SCNN1A: variants seen among roughly 807,000 people sequenced by gnomAD.
SCNN1A encodes the protein epithelial sodium channel subunit alpha.
A neutral mutation model predicts 68.6 loss-of-function variants in SCNN1A; 65 were observed. The ratio of observed to expected loss-of-function variants is 0.95; its 90% CI spans 0.78 to 1.16. The LOEUF is 1.16. Among genes scored for constraint, SCNN1A ranks in the 50% most tolerant of loss-of-function variants. The pLI, the probability that SCNN1A is intolerant of heterozygous loss-of-function variation, is 0.00. For missense variants in SCNN1A, 880 were observed against 865.9 expected, an observed-to-expected ratio of 1.02 and a Z score of -0.20; for synonymous variants, 357 against 353.3, an observed-to-expected ratio of 1.01 and a Z score of -0.12.
rs374883803 is a variant in SCNN1A at position 6,349,092 on chromosome 12, A to G, written c.1497+72T>C. ...GGTTGTGTCAAACACACTCATACAC[A>G]TAATACCCAGAGAAGGCCACAGCAT... On this transcript the variant is annotated intron_variant, in intron 10 of 12. Transcript: ENST00000228916. 5.0e-6 allele frequency: 8 copies of G among 1,603,298 alleles called. No homozygotes were observed. In the African/African-American group the frequency reaches 8.0e-5, roughly 16 times the overall value.
chr12:6,357,881 C>T (rs1948523993), intron 4 of SCNN1A, among the ~76,000 whole-genome samples: 1 of 152,112 alleles, frequency 6.6e-6, no homozygotes, highest in African/African-American at 2.4e-5. Flanking sequence ...GCCTGTAATC[C>T]CAGCTACTCA....
Position 6,374,285 on chromosome 12 carries a change from C to T in SCNN1A, c.416+83G>A. 2.1e-6 allele frequency: 3 copies of T among 1,459,194 alleles called. No individual in the cohort carries two copies. The highest frequency in any genetic ancestry group is 2.8e-6 in the Non-Finnish European group (3 of 1,064,590). 90.4% of individuals were successfully genotyped at this position (1,459,194 alleles called of 1,614,324 possible). A position where few individuals can be genotyped will look rare whatever the true frequency, so the allele number is the denominator to read the frequency against. ...AGTTCCCACCCTCAGGTCTGAGGCT[C>T]TGCCTGCCCAGTGAGCACCTCAGCA... On this transcript the variant is annotated intron_variant, in intron 2 of 12. Coordinates refer to ENST00000228916, the MANE Select transcript of SCNN1A (RefSeq NM_001038.6). This position sits in a 1 kb window ranked among gnomAD's most constrained non-coding sequence, Gnocchi z 6.2.
Position 6,348,994 on chromosome 12 carries a change from G to T in SCNN1A, c.1509C>A (p.Phe503Leu). The change falls in exon 11 of 13, where the codon TTC (phenylalanine) becomes TTA (leucine). Residue 503 changes from phenylalanine to leucine, a missense_variant. Physicochemically the swap from Phe to Leu is conservative, Grantham distance 22. Coordinates refer to ENST00000228916, the MANE Select transcript of SCNN1A (RefSeq NM_001038.6). ...WPSVTSQEWV[F>L]QMLSRQNNYT... ...AATTGTTCTGTCGCGATAGCATCTG[G>T]AAGACCCATTCCTAGGAAAGAATGG... is the stretch of plus-strand genomic sequence containing the variant. The T allele has an allele frequency of 1.2e-6, 2 of 1,614,058 alleles. No homozygotes were observed. Among genetic ancestry groups the T allele is most frequent in the Non-Finnish European group, 8.5e-7 (1 of 1,180,000 alleles).
At chr12:6,368,848 C>T (rs1948724559) in intron 2 of SCNN1A, among the ~76,000 whole-genome samples, 1 of 152,204 alleles carries the variant, frequency 6.6e-6, no homozygotes, top group South Asian at 2.1e-4. Flanking sequence ...GTGACCCAGC[C>T]TTTCTGACTC....
chr12:6,375,628 T>G (rs1948893232), upstream of SCNN1A: 3 of 1,485,512 alleles, frequency 2.0e-6, no homozygotes, highest in Non-Finnish European at 2.7e-6. Flanking sequence ...TGAGGAGGAG[T>G]CAGAGCCGGG....
At chr12:6,350,694 G>A (rs1018073458) in intron 8 of SCNN1A, among the ~76,000 whole-genome samples, 5 of 151,904 alleles carry the variant, frequency 3.3e-5, no homozygotes, top group African/African-American at 7.3e-5. Flanking sequence ...AAAATTAGTC[G>A]GGTGTGGTGG....
intron 2 of SCNN1A, among the ~76,000 whole-genome samples, chr12:6,373,044 C>A (rs918731399): frequency 6.6e-6 from 1 of 152,156 alleles, no homozygotes; most frequent in Non-Finnish European, 1.5e-5. Flanking sequence ...AAGACACCTT[C>A]GCAGCGTCTG....
chr12:6,367,428 C>T (rs1349901340), intron 2 of SCNN1A, among the ~76,000 whole-genome samples: 1 of 152,136 alleles, frequency 6.6e-6, no homozygotes, highest in Non-Finnish European at 1.5e-5. Context: ...AGAATAGGCT[C>T]ATCAAAACCA....
At chr12:6,349,468 A>G in intron 8 of SCNN1A, 63 bp from the exon 9 acceptor site, 3 of 1,216,980 alleles carry the variant, frequency 2.5e-6, no homozygotes, top group Non-Finnish European at 1.2e-6. Context: ...CCCACACCCA[A>G]GAGGTCTCCC....
rs1213229780 is a variant in SCNN1A at position 6,374,001 on chromosome 12, T to C, written c.416+367A>G. Among the ~76,000 whole-genome samples the C allele has an allele frequency of 6.6e-6, 1 of 152,202 alleles. No individual in the cohort carries two copies. Among genetic ancestry groups the C allele is most frequent in the Admixed American group, 6.5e-5 (1 of 15,284 alleles). ...CTGAGGTGGACGAGGTCTTATACTT[T>C]GCTGGCATCTTGCTCCAGAAAAGGG... On this transcript the variant is annotated intron_variant, in intron 2 of 12. Coordinates refer to ENST00000228916, the MANE Select transcript of SCNN1A (RefSeq NM_001038.6). This position sits in a 1 kb window ranked among gnomAD's most constrained non-coding sequence, Gnocchi z 6.2.
rs944831382 is a variant in SCNN1A, at chr12:6,357,428, G to A, written c.876-1548C>T. Among the ~76,000 whole-genome samples the A allele has an allele frequency of 6.7e-5, 10 of 150,328 alleles. No homozygotes were observed. The East Asian group carries it at 1.0e-3, about 15-fold the overall frequency. On this transcript the variant is annotated intron_variant, in intron 4 of 12. Coordinates refer to ENST00000228916, the MANE Select transcript of SCNN1A (RefSeq NM_001038.6). Reference sequence around the variant, plus strand: ...GTCTCTACCAAAAATACAAAAATTCGCCAGGCGTGGTGGTGGGCACCTATT... The same window carrying A: ...GTCTCTACCAAAAATACAAAAATTCACCAGGCGTGGTGGTGGGCACCTATT...
At chr12:6,364,561 C>A (rs907803770) in intron 2 of SCNN1A, among the ~76,000 whole-genome samples, 1 of 151,972 alleles carries the variant, frequency 6.6e-6, no homozygotes, top group Admixed American at 6.6e-5. Flanking sequence ...CGAGACCACC[C>A]TGGCTAACAC....
chr12:6,354,087 T>C (rs559687147), intron 8 of SCNN1A, among the ~76,000 whole-genome samples: 15 of 151,254 alleles, frequency 9.9e-5, no homozygotes, highest in Non-Finnish European at 1.6e-4. Flanking sequence ...AAAAATTAGC[T>C]GGGCGTGGTG....
At chr12:6,368,717 C>T (rs1458953738) in intron 2 of SCNN1A, among the ~76,000 whole-genome samples, 1 of 152,188 alleles carries the variant, frequency 6.6e-6, no homozygotes, top group Non-Finnish European at 1.5e-5. Flanking sequence ...GTCCCTGCTA[C>T]CTCTGGCTAT....
At chr12:6,358,710 A>AG (rs1293980310) in intron 4 of SCNN1A, among the ~76,000 whole-genome samples, 1 of 151,986 alleles carries the variant, frequency 6.6e-6, no homozygotes, top group Non-Finnish European at 1.5e-5. Context: ...ATTAAAAAAA[A>AG]TTAGCTGGGC....
At chr12:6,353,065 T>A (rs1157115501) in intron 8 of SCNN1A, among the ~76,000 whole-genome samples, 2 of 152,202 alleles carry the variant, frequency 1.3e-5, no homozygotes, top group African/African-American at 4.8e-5. Context: ...GCAGCTTACA[T>A]ATTTTCTTTT....
At chr12:6,376,662 A>G (rs1948915861), upstream of SCNN1A, among the ~76,000 whole-genome samples, 1 of 152,218 alleles carries the variant, frequency 6.6e-6, no homozygotes, top group Non-Finnish European at 1.5e-5. Flanking sequence ...AGTGGTGAGC[A>G]AGGAGAGAGA....
At position 6,363,887 on chromosome 12, in the gene SCNN1A, T is replaced by C. The variant is rs1200997052; in HGVS notation, c.417-177A>G. On this transcript the variant is annotated intron_variant, in intron 2 of 12. Transcript: ENST00000228916. ...TCCGGCGGTGAAGGGTAAACAGGTG[T>C]GTCCGCCGGGAAGGCGGAGGCCACG... 4 of 440,678 alleles carry C rather than the reference T, an allele frequency of 9.1e-6. No individual in the cohort carries two copies. In the East Asian group the frequency reaches 1.7e-4, roughly 18 times the overall value. The allele number at this position is 440,678 out of a possible 1,614,324, so 27.3% of individuals were successfully genotyped here.
intron 6 of SCNN1A, 133 bp downstream of exon 6, chr12:6,355,139 A>G (rs1948473656): frequency 1.9e-6 from 2 of 1,040,560 alleles, no homozygotes; most frequent in African/African-American, 1.6e-5. Flanking sequence ...TCTGCCCCTC[A>G]TTCCTGCTCC....
Sources: gnomAD v4.1 joint callset for allele counts (sites outside exome capture counted in the v4.1 genomes callset) on GRCh38, gnomAD v4.1.1 for gene constraint, Gnocchi (gnomAD v3.1) non-coding constraint, MANE v1.5 for transcripts, NCBI Gene and HGNC (gene_info 2026-07-23, HGNC 2026-07-21) for gene names.